Variants in STIM1 observed in about 807,000 individuals in gnomAD.
STIM1 encodes stromal interaction molecule 1.
STIM1 carries 25 observed loss-of-function variants against 74.7 expected under a neutral mutation model. The ratio of observed to expected loss-of-function variants is 0.33; its 90% CI spans 0.24 to 0.47. The LOEUF is 0.47. STIM1 is among the 20% of genes least tolerant of loss of function. STIM1 has a pLI of 1.00. For synonymous variants in STIM1, 328 were observed against 348.8 expected (o/e 0.94, Z 0.66); for missense variants, 728 against 920.8 (o/e 0.79, Z 2.71).
intron 1 of STIM1, among the ~76,000 whole-genome samples, chr11:3,873,615 T>C (rs2091210283): frequency 6.6e-6 from 1 of 151,878 alleles, no homozygotes; most frequent in Non-Finnish European, 1.5e-5. Context: ...TTAGTATGGA[T>C]TAGGTTCAGT....
At chr11:4,042,566 G>A (rs1488435979) in intron 3 of STIM1, among the ~76,000 whole-genome samples, 1 of 152,068 alleles carries the variant, frequency 6.6e-6, no homozygotes, top group African/African-American at 2.4e-5. Context: ...TCCCCCTAAT[G>A]AATATATTAT....
intron 3 of STIM1, among the ~76,000 whole-genome samples, chr11:4,054,486 G>C (rs1420245616): frequency 6.6e-6 from 1 of 152,204 alleles, no homozygotes; most frequent in Non-Finnish European, 1.5e-5. Context: ...GGGTGAGGGA[G>C]TATTACTGCC....
intron 2 of STIM1, among the ~76,000 whole-genome samples, chr11:3,974,680 G>A (rs1231821976): frequency 6.6e-6 from 1 of 152,102 alleles, no homozygotes; most frequent in Non-Finnish European, 1.5e-5. Context: ...GCTATGTATT[G>A]TGGGCCCTTC....
chr11:3,981,359 C>A (rs2093503428), intron 2 of STIM1, among the ~76,000 whole-genome samples: 1 of 152,178 alleles, frequency 6.6e-6, no homozygotes, highest in African/African-American at 2.4e-5. Flanking sequence ...CCTTAACTGT[C>A]CTACCAGATT....
chr11:3,972,333 G>C (rs1048272151), intron 2 of STIM1, among the ~76,000 whole-genome samples: 2 of 152,146 alleles, frequency 1.3e-5, no homozygotes, highest in African/African-American at 4.8e-5. Context: ...TTCGTTGTAT[G>C]AATCAAAGCA....
At chr11:4,001,047 A>G (rs906232027) in intron 2 of STIM1, among the ~76,000 whole-genome samples, 2 of 152,224 alleles carry the variant, frequency 1.3e-5, no homozygotes, top group Admixed American at 6.5e-5. Context: ...AAAAGAATAA[A>G]AAGAAACGAA....
intron 1 of STIM1, among the ~76,000 whole-genome samples, chr11:3,957,637 G>A (rs1274662947): frequency 6.6e-6 from 1 of 151,812 alleles, no homozygotes; most frequent in Non-Finnish European, 1.5e-5. Flanking sequence ...GGCTGACACA[G>A]CCTGAAACTC....
At chr11:4,065,618 T>C (rs150460481) in intron 5 of STIM1, among the ~76,000 whole-genome samples, 1 of 152,132 alleles carries the variant, frequency 6.6e-6, no homozygotes, top group Non-Finnish European at 1.5e-5. Context: ...GTGCTAGAAG[T>C]TATATGGAAG....
intron 2 of STIM1, among the ~76,000 whole-genome samples, chr11:4,007,684 A>G (rs1243041539): frequency 6.6e-6 from 1 of 152,222 alleles, no homozygotes; most frequent in Non-Finnish European, 1.5e-5. Context: ...CCTTCCAATA[A>G]TAATCTCAAT....
At chr11:4,077,679 A>G (rs1316609562) in intron 7 of STIM1, among the ~76,000 whole-genome samples, 1 of 152,038 alleles carries the variant, frequency 6.6e-6, no homozygotes, top group Non-Finnish European at 1.5e-5. Context: ...TTTTAACTGT[A>G]TTCCACATGT....
chr11:3,855,198 G>C (rs963172668), upstream of STIM1: 2 of 152,670 alleles, frequency 1.3e-5, no homozygotes, highest in South Asian at 2.1e-4. Context: ...GGGCCGAGCC[G>C]GGTCAGGCTG....
At position 4,079,161 on chromosome 11, in the gene STIM1, G is replaced by C. The variant is rs567640879; in HGVS notation, c.970-3023G>C. On this transcript the variant is annotated intron_variant, in intron 7 of 12. Transcript: ENST00000526596. ...AAAAAATTAGCCGGGCGTGGTGGCG[G>C]GTGTCTGTAATCCCAGCTACTTGGG... 2.0e-4 allele frequency among the ~76,000 whole-genome samples: 31 copies of C among 152,018 alleles called. No homozygotes were observed. The East Asian group carries it at 5.9e-3, about 29-fold the overall frequency.
At chr11:3,922,300 G>A (rs1203952744) in intron 1 of STIM1, among the ~76,000 whole-genome samples, 1 of 151,972 alleles carries the variant, frequency 6.6e-6, no homozygotes, top group Non-Finnish European at 1.5e-5. Flanking sequence ...ACATATGTAT[G>A]AATATCTATA....
intron 12 of STIM1, 93 bp from the exon 13 acceptor site, chr11:4,091,189 T>C (rs1315556606): frequency 1.3e-6 from 2 of 1,573,816 alleles, no homozygotes; most frequent in East Asian, 4.5e-5. Flanking sequence ...CCTGTCCTTG[T>C]CTTCTCGTGT....
intron 1 of STIM1, among the ~76,000 whole-genome samples, chr11:3,869,249 G>A (rs975062106): frequency 1.3e-5 from 2 of 152,222 alleles, no homozygotes; most frequent in African/African-American, 2.4e-5. Flanking sequence ...GTTTATAGGC[G>A]TGAGCCACCG....
intron 2 of STIM1, among the ~76,000 whole-genome samples, chr11:4,010,727 T>C (rs1332829822): frequency 2.0e-5 from 3 of 152,142 alleles, no homozygotes; most frequent in Non-Finnish European, 4.4e-5. Context: ...TTCTTTTTTT[T>C]ATTATTATAT....
chr11:3,913,448 A>G (rs1412310416), intron 1 of STIM1, among the ~76,000 whole-genome samples: 1 of 152,026 alleles, frequency 6.6e-6, no homozygotes, highest in African/African-American at 2.4e-5. Flanking sequence ...TCAGCCTTCC[A>G]AAGTGCTGGA....
In STIM1 at chr11:4,091,368, C is replaced by T. The variant is rs201273429; in HGVS notation, c.1721C>T (p.Ala574Val). ...VAPKPPQMSR[A>V]ADEALNAMTS... ...CCCAAACCTCCTCAGATGAGCCGTGCTGCAGACGAGGCTCTCAATGCCATG... is the reference window on the plus strand; with the variant it reads ...CCCAAACCTCCTCAGATGAGCCGTGTTGCAGACGAGGCTCTCAATGCCATG... Residue 574 changes from alanine (A) to valine (V), a missense_variant, in exon 13 of 13, where the codon GCT becomes GTT. Physicochemically the swap from Ala to Val is moderately conservative, Grantham distance 64. Around this residue, in one of 5 missense-constraint regions of STIM1, gnomAD observed 352 missense variants for 370.1 expected, o/e 0.95. Coordinates refer to ENST00000526596, the MANE Select transcript of STIM1 (RefSeq NM_001382567.1). 3.1e-6 allele frequency: 5 copies of T among 1,614,242 alleles called. No homozygotes were observed. In the African/African-American group the frequency reaches 5.3e-5, roughly 17 times the overall value.
intron 1 of STIM1, among the ~76,000 whole-genome samples, chr11:3,894,248 A>T (rs2091986282): frequency 6.6e-6 from 1 of 152,108 alleles, no homozygotes; most frequent in African/African-American, 2.4e-5. Flanking sequence ...TTACTTCCTC[A>T]TATTTGTTGT....
Sources: allele counts gnomAD v4.1 joint callset (sites outside exome capture counted in the v4.1 genomes callset), GRCh38; gene constraint gnomAD v4.1.1; regional missense constraint gnomAD v4.1.1; transcripts MANE v1.5; gene names NCBI Gene and HGNC (gene_info 2026-07-23, HGNC 2026-07-21).